Variants in KLHL28 observed in about 807,000 individuals in gnomAD.
KLHL28 encodes the protein kelch like family member 28, also known as kelch-like protein 28.
A neutral mutation model predicts 48.3 loss-of-function variants in KLHL28; 22 were observed. That is an observed-to-expected ratio of 0.46 (90% confidence interval 0.33 to 0.65). The LOEUF (loss-of-function observed/expected upper bound fraction) is 0.65, where lower values mean the gene tolerates loss of function less well. Ranked by LOEUF, KLHL28 falls within the 30% of genes least tolerant of loss-of-function variation. The pLI, the probability that KLHL28 is intolerant of heterozygous loss-of-function variation, is 0.03. For missense variants in KLHL28, 527 were observed against 704.3 expected (o/e 0.75, Z 2.85); for synonymous variants, 243 against 242.4 (o/e 1.00, Z -0.02).
chr14:44,948,841 A>G (rs1407680946), intron 1 of KLHL28, among the ~76,000 whole-genome samples: 1 of 152,042 alleles, frequency 6.6e-6, no homozygotes, highest in East Asian at 1.9e-4. Flanking sequence ...TCAAAAATTA[A>G]CTTTACCTGG....
Position 44,927,285 on chromosome 14 carries a change from A to G in KLHL28, c.*1743T>C, listed in dbSNP as rs776358358. 7 of 152,652 alleles carry G rather than the reference A, an allele frequency of 4.6e-5. No individual in the cohort carries two copies. The highest frequency in any genetic ancestry group is 1.0e-4 in the Non-Finnish European group (7 of 68,010). The allele number at this position is 152,652 out of a possible 1,614,324, so 9.5% of individuals were successfully genotyped here. On this transcript the variant is annotated 3_prime_UTR_variant, in exon 5 of 5. Coordinates refer to ENST00000396128, the MANE Select transcript of KLHL28 (RefSeq NM_017658.5). ...CAACTGGCAGTTTATGGAAGAACAA[A>G]GAACTGTAAATTGCCCGGCTATAGT... is the stretch of plus-strand genomic sequence containing the variant.
chr14:44,955,986 A>AT (rs1884779756), intron 1 of KLHL28, among the ~76,000 whole-genome samples: 1 of 152,246 alleles, frequency 6.6e-6, no homozygotes, highest in African/African-American at 2.4e-5. Context: ...ATACTTAAAA[A>AT]AAGTCCTAAT....
chr14:44,924,859 T>C lies in KLHL28; in HGVS notation c.*4169A>G, dbSNP rs1436247069. On this transcript the variant is annotated 3_prime_UTR_variant, in exon 5 of 5. Coordinates refer to ENST00000396128, the MANE Select transcript of KLHL28 (RefSeq NM_017658.5). ...TAAAAGACATATGGATAACAATTTT[T>C]CTCTCTGCAGAGATGTAAACTGGAT... 1 of 152,602 alleles carries C rather than the reference T, an allele frequency of 6.6e-6. No homozygotes were observed. Among genetic ancestry groups the C allele is most frequent in the Admixed American group, 6.5e-5 (1 of 15,278 alleles). The allele number at this position is 152,602 out of a possible 1,614,324, so 9.5% of individuals were successfully genotyped here.
chr14:44,955,166 T>C (rs1344672837), intron 1 of KLHL28, among the ~76,000 whole-genome samples: 1 of 151,870 alleles, frequency 6.6e-6, no homozygotes, highest in East Asian at 1.9e-4. Flanking sequence ...CCTCACAGTC[T>C]GTATTTGAAT....
rs1293844171 is a variant in KLHL28 at position 44,928,912 on chromosome 14, G to C, written c.*116C>G. Reference sequence around the variant, plus strand: ...CCCAACAAAACTTTTGAGCCTTCATGCTACTTCAAGTTAAAAAGAAAGCAA... The same window carrying C: ...CCCAACAAAACTTTTGAGCCTTCATCCTACTTCAAGTTAAAAAGAAAGCAA... On this transcript the variant is annotated 3_prime_UTR_variant, in exon 5 of 5. Coordinates refer to ENST00000396128, the MANE Select transcript of KLHL28 (RefSeq NM_017658.5). 9.1e-6 allele frequency: 8 copies of C among 882,446 alleles called. No homozygotes were observed. Among genetic ancestry groups the C allele is most frequent in the African/African-American group, 1.7e-5 (1 of 58,784 alleles). 54.7% of individuals were successfully genotyped at this position (882,446 alleles called of 1,614,324 possible).
Position 44,945,034 on chromosome 14 carries a change from C to T in KLHL28, c.895G>A (p.Asp299Asn). Residue 299 changes from aspartate (D) to asparagine (N), a missense_variant, in exon 2 of 5, where the codon GAT (aspartate) becomes AAT (asparagine). By Grantham distance (23) the Asp-to-Asn change is conservative. Transcript: ENST00000396128. ...GGKSGLFACL[D>N]SVEMYFPQND... ...TTAGGAAAGCCTTCTATTTACCTAT[C>T]CAAACAGGCAAAGAGTCCAGATTTC... 1 of 1,588,328 alleles carries T rather than the reference C, an allele frequency of 6.3e-7. No individual in the cohort carries two copies.
Position 44,945,165 on chromosome 14 carries a change from T to G in KLHL28, c.764A>C (p.Asn255Thr), listed in dbSNP as rs758024775. The G allele has an allele frequency of 6.2e-7, 1 of 1,614,078 alleles. No homozygotes were observed. Among genetic ancestry groups the G allele is most frequent in the Non-Finnish European group, 8.5e-7 (1 of 1,180,036 alleles). Reference sequence around the variant, plus strand: ...CATAAAGTGGTACTTTAGGGCTTCATTCAAAAGATGTTTACAAGTGCGATC... The same window carrying G: ...CATAAAGTGGTACTTTAGGGCTTCAGTCAAAAGATGTTTACAAGTGCGATC... Reference protein sequence around the residue: ...RDDRTCKHLLNEALKYHFMPE... With the variant: ...RDDRTCKHLLTEALKYHFMPE... Residue 255 changes from asparagine to threonine, a missense_variant, in exon 2 of 5, where the codon AAT (asparagine) becomes ACT (threonine). Coordinates refer to ENST00000396128, the MANE Select transcript of KLHL28 (RefSeq NM_017658.5).
chr14:44,950,371 G>T (rs943638966), intron 1 of KLHL28, among the ~76,000 whole-genome samples: 19 of 152,088 alleles, frequency 1.2e-4, no homozygotes, highest in African/African-American at 4.6e-4. Flanking sequence ...TCAAATCAAG[G>T]TTATGAAGTA....
In KLHL28 at chr14:44,945,349, T is replaced by G; in HGVS notation, c.580A>C (p.Thr194Pro). ...AATGCATAAAAAACAGTCTCTTCGG[T>G]AGCTACATTCAAACAGTCATTGGAA... is the stretch of plus-strand genomic sequence containing the variant. ...IVSNDCLNVA[T>P]EETVFYALES... Residue 194 changes from threonine to proline, a missense_variant, in exon 2 of 5, where the codon ACC becomes CCC. Coordinates refer to ENST00000396128, the MANE Select transcript of KLHL28 (RefSeq NM_017658.5). The G allele has an allele frequency of 6.2e-7, 1 of 1,614,166 alleles. No homozygotes were observed. The highest frequency in any genetic ancestry group is 8.5e-7 in the Non-Finnish European group (1 of 1,180,014).
intron 1 of KLHL28, among the ~76,000 whole-genome samples, chr14:44,959,119 AAATG>A (rs1459304628): frequency 6.6e-6 from 1 of 151,930 alleles, no homozygotes; most frequent in Non-Finnish European, 1.5e-5. Flanking sequence ...GATATATAAT[AAATG>A]AATAATAATG....
At chr14:44,960,366 A>G (rs948306689) in intron 1 of KLHL28, among the ~76,000 whole-genome samples, 1 of 152,198 alleles carries the variant, frequency 6.6e-6, no homozygotes, top group African/African-American at 2.4e-5. Flanking sequence ...TTCTGATCCA[A>G]CATAAACTGG....
chr14:44,959,672 A>G (rs1359676581), intron 1 of KLHL28, among the ~76,000 whole-genome samples: 2 of 152,166 alleles, frequency 1.3e-5, no homozygotes, highest in Non-Finnish European at 2.9e-5. Flanking sequence ...ACACATTCCT[A>G]TAATTCACTA....
chr14:44,949,540 T>C (rs1884485467), intron 1 of KLHL28, among the ~76,000 whole-genome samples: 1 of 152,044 alleles, frequency 6.6e-6, no homozygotes, highest in South Asian at 2.1e-4. Flanking sequence ...CTTAATGGAA[T>C]GAGGCCTAGA....
Position 44,945,185 on chromosome 14 carries a change from G to A in KLHL28, c.744C>T (p.Arg248=), listed in dbSNP as rs755902537. ...CTTCATTCAAAAGATGTTTACAAGTGCGATCATCACGAATAAGATGATTTG... is the reference window on the plus strand; with the variant it reads ...CTTCATTCAAAAGATGTTTACAAGTACGATCATCACGAATAAGATGATTTG... ...YEANHLIRDD[R]TCKHLLNEAL... is the part of the protein sequence containing the mutation. The change falls in exon 2 of 5, where the codon CGC becomes CGT. Residue 248 remains arginine (R), a synonymous_variant. Transcript: ENST00000396128. 7 of 1,613,972 alleles carry A rather than the reference G, an allele frequency of 4.3e-6. No homozygotes were observed. The highest frequency in any genetic ancestry group is 4.5e-5 in the East Asian group (2 of 44,892).
At chr14:44,930,350 C>T (rs1304042857) in intron 4 of KLHL28, among the ~76,000 whole-genome samples, 3 of 151,968 alleles carry the variant, frequency 2.0e-5, no homozygotes, top group Non-Finnish European at 2.9e-5. Context: ...AGTGCAGTGG[C>T]GCGATCTCGG....
chr14:44,942,256 C>T lies in KLHL28; in HGVS notation c.899+2774G>A, dbSNP rs146754789. On this transcript the variant is annotated intron_variant, in intron 2 of 4. Coordinates refer to ENST00000396128, the MANE Select transcript of KLHL28 (RefSeq NM_017658.5). ...GATTCCTCCCTCTTCCTCATCATCCCTCCCTCATATCCATTCAAACACCAA... is the reference window on the plus strand; with the variant it reads ...GATTCCTCCCTCTTCCTCATCATCCTTCCCTCATATCCATTCAAACACCAA... Among the ~76,000 whole-genome samples, 73 of 152,196 alleles carry T rather than the reference C, an allele frequency of 4.8e-4. No homozygotes were observed. The East Asian group carries it at 0.013, about 28-fold the overall frequency.
intron 2 of KLHL28, 67 bp from the exon 3 acceptor site, chr14:44,934,625 AATC>A: frequency 8.3e-7 from 1 of 1,202,034 alleles, no homozygotes; most frequent in Non-Finnish European, 1.1e-6. Context: ...AGATATGTTT[AATC>A]TTATTAGTAA....
Position 44,934,328 on chromosome 14 carries a change from C to T in KLHL28, c.1130G>A (p.Ser377Asn). The T allele has an allele frequency of 6.2e-7, 1 of 1,614,164 alleles. No homozygotes were observed. Among genetic ancestry groups the T allele is most frequent in the Non-Finnish European group, 8.5e-7 (1 of 1,180,006 alleles). The part of the protein sequence containing the change: ...TSLERMNESR[S>N]TLGVVVLAGE... ...TGCAAGTACTACTACTCCAAGAGTA[C>T]TTCGGCTTTCATTCATTCTCTCTAG... Residue 377 changes from serine to asparagine, a missense_variant, in exon 3 of 5, where the codon AGT becomes AAT. Coordinates refer to ENST00000396128, the MANE Select transcript of KLHL28 (RefSeq NM_017658.5).
chr14:44,959,246 G>C (rs933511427), intron 1 of KLHL28: 3 of 152,046 alleles, frequency 2.0e-5, no homozygotes, highest in Middle Eastern at 3.4e-3. Flanking sequence ...ACTCTTTTGT[G>C]GAAACACCCA....
Sources: gnomAD v4.1 joint callset for allele counts (sites outside exome capture counted in the v4.1 genomes callset) on GRCh38, gnomAD v4.1.1 for gene constraint, MANE v1.5 for transcripts, NCBI Gene and HGNC (gene_info 2026-07-23, HGNC 2026-07-21) for gene names.